ACCSL: variants seen among roughly 807,000 people sequenced by gnomAD.
ACCSL encodes the protein 1-aminocyclopropane-1-carboxylate synthase homolog (inactive) like.
ACCSL carries 55 observed loss-of-function variants against 61.7 expected under a neutral mutation model. The ratio of observed to expected loss-of-function variants is 0.89; its 90% CI spans 0.72 to 1.12. The LOEUF (loss-of-function observed/expected upper bound fraction) is 1.12. Ranked by LOEUF, ACCSL falls within the 50% of genes most tolerant of loss-of-function variation. The probability of loss-of-function intolerance (pLI) is 0.00; values close to 1 mark genes in which losing one functional copy is unlikely to be tolerated. For missense variants in ACCSL, 632 were observed against 698.0 expected (o/e 0.91, Z 1.07); for synonymous variants, 258 against 264.3 (o/e 0.98, Z 0.23).
the ACCSL span, among the ~76,000 whole-genome samples, chr11:44,016,964 G>A: frequency 6.6e-6 from 1 of 152,132 alleles, no homozygotes; most frequent in Non-Finnish European, 1.5e-5. Context: ...TGGAGTTTTT[G>A]CCTCATGTTT....
chr11:43,959,646 T>C, the ACCSL span, among the ~76,000 whole-genome samples: 19,584 of 152,168 alleles, frequency 0.13, 1,277 homozygotes, highest in South Asian at 0.16. Flanking sequence ...CTGTCTTGCT[T>C]TCAACAAACA....
the ACCSL span, among the ~76,000 whole-genome samples, chr11:44,017,534 G>T: frequency 2.0e-5 from 3 of 152,198 alleles, no homozygotes; most frequent in Admixed American, 6.5e-5. Flanking sequence ...GCCTATGGGG[G>T]TTAGTGTTCT....
chr11:43,943,343 G>C, the ACCSL span: 4 of 1,405,714 alleles, frequency 2.8e-6, no homozygotes, highest in Non-Finnish European at 2.8e-6. The surrounding 1 kb of genome is among the most constrained non-coding windows in gnomAD (Gnocchi z 4.8). Flanking sequence ...AACCCCGAGA[G>C]TGCCCGCGCC....
chr11:44,021,003 G>A, the ACCSL span, among the ~76,000 whole-genome samples: 131,316 of 152,098 alleles, frequency 0.86, 56,785 homozygotes, highest in African/African-American at 0.9. Flanking sequence ...GTGTGTATAT[G>A]TATCACATTT....
At chr11:44,008,043 G>A in the ACCSL span, among the ~76,000 whole-genome samples, 3 of 152,140 alleles carry the variant, frequency 2.0e-5, no homozygotes, top group Non-Finnish European at 4.4e-5. Flanking sequence ...CTGGTGTGGG[G>A]ATGTGGCAGC....
At chr11:44,035,522 C>T in the ACCSL span, among the ~76,000 whole-genome samples, 2 of 152,140 alleles carry the variant, frequency 1.3e-5, no homozygotes, top group Non-Finnish European at 1.5e-5. Context: ...GTATGCTCAG[C>T]CACCATGGGC....
At chr11:43,926,821 C>T in the ACCSL span, among the ~76,000 whole-genome samples, 304 of 152,294 alleles carry the variant, frequency 2.0e-3, 3 homozygotes, top group African/African-American at 7.1e-3. Flanking sequence ...GCAATCATGG[C>T]TCACTGCAGC....
At chr11:43,926,342 G>A in the ACCSL span, 1 of 305,312 alleles carries the variant, frequency 3.3e-6, no homozygotes, top group South Asian at 2.7e-5. Context: ...TCCCCTTGGG[G>A]TCAGTTCTTG....
At chr11:43,997,161 T>C in the ACCSL span, among the ~76,000 whole-genome samples, 6 of 148,508 alleles carry the variant, frequency 4.0e-5, no homozygotes, top group Admixed American at 4.1e-4. Context: ...AAAAAAAAAA[T>C]CCCAATGTCC....
At chr11:44,050,007 C>A in intron 1 of ACCSL, 55 bp from the exon 2 acceptor site, 1 of 1,610,754 alleles carries the variant, frequency 6.2e-7, no homozygotes, top group South Asian at 1.1e-5. Context: ...TTCAAGGGAT[C>A]TATGTAGGGT....
chr11:43,943,339 G>A, the ACCSL span: 10 of 1,409,442 alleles, frequency 7.1e-6, no homozygotes, highest in Non-Finnish European at 9.2e-6. The surrounding 1 kb of genome is among the most constrained non-coding windows in gnomAD (Gnocchi z 4.8). Flanking sequence ...TGTGAACCCC[G>A]AGAGTGCCCG....
chr11:44,053,242 C>T (rs779185580), intron 7 of ACCSL, among the ~76,000 whole-genome samples, 164 bp from the exon 8 acceptor site: 2 of 152,076 alleles, frequency 1.3e-5, no homozygotes, highest in Non-Finnish European at 2.9e-5. Context: ...TTATGGCAGC[C>T]CCAGACTTCC....
intron 7 of ACCSL, 138 bp downstream of exon 7, chr11:44,053,206 T>C: frequency 1.2e-6 from 1 of 860,212 alleles, no homozygotes; most frequent in South Asian, 1.6e-5. Flanking sequence ...GATCCAGGGG[T>C]GTGTCCCTCT....
chr11:43,980,019 G>A, the ACCSL span, among the ~76,000 whole-genome samples: 1 of 152,082 alleles, frequency 6.6e-6, no homozygotes, highest in African/African-American at 2.4e-5. Context: ...AATTTACAAG[G>A]ATATATAAAA....
At chr11:43,946,763 G>A in the ACCSL span, among the ~76,000 whole-genome samples, 98 of 152,248 alleles carry the variant, frequency 6.4e-4, no homozygotes, top group Non-Finnish European at 1.9e-4. Flanking sequence ...TCCCACAAAC[G>A]GGTAGTTCTA....
chr11:43,972,838 G>C, the ACCSL span, among the ~76,000 whole-genome samples: 545 of 152,344 alleles, frequency 3.6e-3, 2 homozygotes, highest in African/African-American at 0.013. Flanking sequence ...CAGAGTCACA[G>C]AGAGAGGCTT....
the ACCSL span, among the ~76,000 whole-genome samples, chr11:43,926,873 C>A: frequency 6.6e-6 from 1 of 152,138 alleles, no homozygotes; most frequent in South Asian, 2.1e-4. Context: ...ACCTCAGCCT[C>A]CTGAGTAGCT....
At chr11:43,937,778 A>G in the ACCSL span, among the ~76,000 whole-genome samples, 6 of 152,058 alleles carry the variant, frequency 3.9e-5, no homozygotes, top group Non-Finnish European at 7.4e-5. Context: ...CTAAGTCCAT[A>G]TAATAGAGAC....
At chr11:43,942,073 TGTGCGCGC>T in the ACCSL span, among the ~76,000 whole-genome samples, 1 of 136,580 alleles carries the variant, frequency 7.3e-6, no homozygotes, top group African/African-American at 2.9e-5. Flanking sequence ...TGTGTGTGTG[TGTGCGCGC>T]GCGCGCCTGC....
Sources: gnomAD v4.1 joint callset for allele counts (sites outside exome capture counted in the v4.1 genomes callset) on GRCh38, gnomAD v4.1.1 for gene constraint, Gnocchi (gnomAD v3.1) non-coding constraint, MANE v1.5 for transcripts, NCBI Gene and HGNC (gene_info 2026-07-23, HGNC 2026-07-21) for gene names.